Variants in VPS13B observed in about 807,000 individuals in gnomAD.
VPS13B encodes intermembrane lipid transfer protein VPS13B.
VPS13B carries 285 observed loss-of-function variants against 426.4 expected under a neutral mutation model. That is an observed-to-expected ratio of 0.67 (90% CI 0.61 to 0.74). The LOEUF (loss-of-function observed/expected upper bound fraction) is 0.74, where lower values mean the gene tolerates loss of function less well. Ranked by LOEUF, VPS13B falls within the 30% of genes least tolerant of loss-of-function variation. The pLI, the probability that VPS13B is intolerant of heterozygous loss-of-function variation, is 0.00. For synonymous variants in VPS13B, 1,676 were observed against 1,676.4 expected (o/e 1.00, Z 0.01); for missense variants, 4,537 against 4,782.6 (o/e 0.95, Z 1.51).
At chr8:99,678,979 C>T (rs1468098506) in intron 35 of VPS13B, among the ~76,000 whole-genome samples, 1 of 152,132 alleles carries the variant, frequency 6.6e-6, no homozygotes, top group Non-Finnish European at 1.5e-5. Context: ...TCACCATTGG[C>T]AGTGAGAATC....
intron 16 of VPS13B, among the ~76,000 whole-genome samples, chr8:99,171,646 A>G (rs1242462572): frequency 6.6e-6 from 1 of 152,062 alleles, no homozygotes; most frequent in Non-Finnish European, 1.5e-5. Context: ...TGAAAGCATG[A>G]GATCACAGAA....
chr8:99,390,621 A>G (rs1814388934), intron 20 of VPS13B, among the ~76,000 whole-genome samples: 1 of 152,122 alleles, frequency 6.6e-6, no homozygotes, highest in Non-Finnish European at 1.5e-5. Flanking sequence ...ACTGAAGATA[A>G]CCTTAGACTA....
At chr8:99,170,913 T>G (rs1812295044) in intron 16 of VPS13B, among the ~76,000 whole-genome samples, 1 of 151,782 alleles carries the variant, frequency 6.6e-6, no homozygotes, top group Non-Finnish European at 1.5e-5. Context: ...GCAGGATAGT[T>G]TTTCTATTAG....
chr8:99,181,969 G>C (rs996487782), intron 16 of VPS13B, among the ~76,000 whole-genome samples: 3 of 151,742 alleles, frequency 2.0e-5, no homozygotes, highest in African/African-American at 7.3e-5. Context: ...TTAAAAAATG[G>C]GCAAAAGACT....
At chr8:99,177,670 G>A (rs1812710462) in intron 16 of VPS13B, among the ~76,000 whole-genome samples, 1 of 152,130 alleles carries the variant, frequency 6.6e-6, no homozygotes, top group Admixed American at 6.5e-5. Flanking sequence ...AAGTTGTATA[G>A]GCAAATATGA....
chr8:99,848,112 C>G (rs1005745931), intron 54 of VPS13B, among the ~76,000 whole-genome samples: 1 of 152,188 alleles, frequency 6.6e-6, no homozygotes, highest in African/African-American at 2.4e-5. Context: ...AAGCAACTCA[C>G]TATTTAATAC....
At chr8:99,115,391 A>G (rs953931790) in intron 6 of VPS13B, among the ~76,000 whole-genome samples, 2 of 152,072 alleles carry the variant, frequency 1.3e-5, no homozygotes, top group Non-Finnish European at 2.9e-5. Flanking sequence ...CTATTTGGTT[A>G]TATAACTAAC....
At chr8:99,219,567 T>A (rs1374342919) in intron 17 of VPS13B, among the ~76,000 whole-genome samples, 1 of 152,218 alleles carries the variant, frequency 6.6e-6, no homozygotes, top group African/African-American at 2.4e-5. Context: ...AATATTGAGA[T>A]GCTAGCATCT....
chr8:99,327,515 A>C (rs1011501699), intron 19 of VPS13B, among the ~76,000 whole-genome samples: 7 of 152,152 alleles, frequency 4.6e-5, no homozygotes, highest in Admixed American at 4.6e-4. Flanking sequence ...GTCAACACAC[A>C]TAAGATATTA....
intron 17 of VPS13B, among the ~76,000 whole-genome samples, chr8:99,244,565 G>A (rs773829309): frequency 7.2e-5 from 11 of 152,134 alleles, no homozygotes; most frequent in Non-Finnish European, 1.6e-4. Flanking sequence ...AATATTCTGA[G>A]GACCTATGCA....
chr8:99,311,556 C>G (rs1000375015), intron 19 of VPS13B, among the ~76,000 whole-genome samples: 2 of 152,158 alleles, frequency 1.3e-5, no homozygotes, highest in Non-Finnish European at 2.9e-5. Context: ...AATTTCTGTT[C>G]TTTTACATTT....
chr8:99,212,660 T>TTTCTCTTCCTGCC (rs141294294), intron 17 of VPS13B, among the ~76,000 whole-genome samples: 7 of 151,874 alleles, frequency 4.6e-5, no homozygotes, highest in Admixed American at 1.3e-4. Context: ...AGGTGGTCTT[T>TTTCTCTTCCTGCC]TTCTCTTCTT....
intron 49 of VPS13B, 128 bp from the exon 50 acceptor site, chr8:99,821,166 A>C (rs972597267): frequency 1.4e-4 from 73 of 527,934 alleles, no homozygotes; most frequent in Non-Finnish European, 2.1e-4. Flanking sequence ...ACACACACAC[A>C]CCATGGAGGG....
chr8:99,223,489 T>G (rs937929592), intron 17 of VPS13B, among the ~76,000 whole-genome samples: 2 of 152,114 alleles, frequency 1.3e-5, no homozygotes, highest in Non-Finnish European at 2.9e-5. Context: ...ATACGAGACA[T>G]TAGCGAACAG....
chr8:99,611,070 C>T (rs1048380107), intron 33 of VPS13B, among the ~76,000 whole-genome samples: 1 of 152,144 alleles, frequency 6.6e-6, no homozygotes, highest in Non-Finnish European at 1.5e-5. Flanking sequence ...AAGTTAAATT[C>T]CCCTAAGCAG....
intron 21 of VPS13B, 73 bp from the exon 22 acceptor site, chr8:99,431,464 A>C (rs774869215): frequency 1.1e-5 from 17 of 1,554,360 alleles, no homozygotes; most frequent in Non-Finnish European, 1.4e-5. Context: ...AACAATCTTG[A>C]AAATACGTTT....
chr8:99,427,449 A>G (rs947893521), intron 21 of VPS13B, among the ~76,000 whole-genome samples: 1 of 151,122 alleles, frequency 6.6e-6, no homozygotes, highest in Non-Finnish European at 1.5e-5. Flanking sequence ...AATTCTGTGA[A>G]GAAAGTCATT....
chr8:99,297,099 C>T (rs1820082633), intron 19 of VPS13B, among the ~76,000 whole-genome samples: 1 of 152,128 alleles, frequency 6.6e-6, no homozygotes, highest in East Asian at 1.9e-4. Context: ...AAATTTGAGA[C>T]TTTAGATGCT....
intron 19 of VPS13B, among the ~76,000 whole-genome samples, chr8:99,301,765 G>A (rs1418741386): frequency 1.3e-5 from 2 of 152,160 alleles, no homozygotes; most frequent in Non-Finnish European, 2.9e-5. Context: ...ATATACGTTT[G>A]TGTTTTATGT....
Sources: allele counts gnomAD v4.1 joint callset (sites outside exome capture counted in the v4.1 genomes callset), GRCh38; gene constraint gnomAD v4.1.1; transcripts MANE v1.5; gene names NCBI Gene and HGNC (gene_info 2026-07-23, HGNC 2026-07-21).